FLT1: variants seen among roughly 807,000 people sequenced by gnomAD.
The protein encoded by FLT1 is vascular endothelial growth factor receptor 1.
In FLT1, 49 loss-of-function variants were observed where a neutral mutation model predicts 156.3. That is an observed-to-expected ratio of 0.31 (90% confidence interval 0.25 to 0.40). The LOEUF (loss-of-function observed/expected upper bound fraction) is 0.40. FLT1 is among the 10% of genes least tolerant of loss of function. The pLI is 1.00. For missense variants in FLT1, 1,322 were observed against 1,637.2 expected, an observed-to-expected ratio of 0.81 and a Z score of 3.32; for synonymous variants, 594 against 583.8, an observed-to-expected ratio of 1.02 and a Z score of -0.25.
At chr13:28,414,838 C>G (rs1340299197) in intron 10 of FLT1, among the ~76,000 whole-genome samples, 1 of 151,336 alleles carries the variant, frequency 6.6e-6, no homozygotes, top group Admixed American at 6.6e-5. Context: ...AGATGTCAAC[C>G]CTGCCATCTA....
At chr13:28,355,456 A>G (rs1872865354) in intron 15 of FLT1, among the ~76,000 whole-genome samples, 1 of 152,228 alleles carries the variant, frequency 6.6e-6, no homozygotes, top group South Asian at 2.1e-4. Context: ...AGGGAAGAGA[A>G]GCATATCAAC....
intron 3 of FLT1, among the ~76,000 whole-genome samples, chr13:28,451,039 C>A (rs534682054): frequency 1.3e-5 from 2 of 152,292 alleles, no homozygotes; most frequent in East Asian, 3.9e-4. Context: ...AGACTCACCG[C>A]GGAAACCAAG....
chr13:28,345,716 C>A, intron 15 of FLT1, 165 bp from the exon 16 acceptor site: 1 of 652,418 alleles, frequency 1.5e-6, no homozygotes, highest in Admixed American at 2.2e-5. Flanking sequence ...ACCTTCTAAG[C>A]CAGGCAGTAT....
At chr13:28,492,583 C>T (rs892915427) in intron 1 of FLT1, among the ~76,000 whole-genome samples, 1 of 152,194 alleles carries the variant, frequency 6.6e-6, no homozygotes, top group African/African-American at 2.4e-5. Context: ...CATGCACACA[C>T]ACAGAATATT....
chr13:28,307,641 T>TG (rs1302826699), intron 28 of FLT1, among the ~76,000 whole-genome samples: 3 of 124,652 alleles, frequency 2.4e-5, no homozygotes, highest in African/African-American at 9.1e-5. Flanking sequence ...GACAAGGTTG[T>TG]GGTTTTTCGT....
At chr13:28,474,467 C>T (rs575295212) in intron 1 of FLT1, among the ~76,000 whole-genome samples, 2 of 149,420 alleles carry the variant, frequency 1.3e-5, no homozygotes, top group Non-Finnish European at 3.0e-5. Context: ...CAAAACAAAA[C>T]AAAACAAAAC....
intron 15 of FLT1, among the ~76,000 whole-genome samples, chr13:28,352,845 G>A (rs905590243): frequency 2.6e-5 from 4 of 152,210 alleles, no homozygotes; most frequent in Non-Finnish European, 5.9e-5. Flanking sequence ...GCAGGATTCA[G>A]GAAGAGAGGA....
intron 13 of FLT1, chr13:28,387,956 A>AG (rs1491352539): frequency 7.5e-6 from 8 of 1,061,446 alleles, no homozygotes; most frequent in Non-Finnish European, 9.1e-6. Flanking sequence ...AATTGCAAAC[A>AG]GGGGAAGGAA....
chr13:28,324,727 G>C (rs1340252073), intron 20 of FLT1, among the ~76,000 whole-genome samples: 1 of 152,178 alleles, frequency 6.6e-6, no homozygotes. Context: ...GGAGAAAAAT[G>C]CTCCACAGGC....
chr13:28,468,954 C>T (rs1201389701), intron 1 of FLT1, among the ~76,000 whole-genome samples: 2 of 152,296 alleles, frequency 1.3e-5, no homozygotes, highest in East Asian at 3.9e-4. Flanking sequence ...GCTGAGCCTC[C>T]CTTGAAGCTA....
At chr13:28,312,222 C>T in intron 25 of FLT1, 124 bp from the exon 26 acceptor site, 1 of 722,104 alleles carries the variant, frequency 1.4e-6, no homozygotes, top group South Asian at 1.5e-5. Flanking sequence ...TACTATGTGA[C>T]CCTGCTTCAT....
At chr13:28,382,789 T>A (rs1319991553) in intron 14 of FLT1, among the ~76,000 whole-genome samples, 1 of 152,150 alleles carries the variant, frequency 6.6e-6, no homozygotes, top group Non-Finnish European at 1.5e-5. Context: ...GATTAAATAT[T>A]TGATGTCAGT....
At chr13:28,353,244 T>A (rs1338844695) in intron 15 of FLT1, among the ~76,000 whole-genome samples, 1 of 152,150 alleles carries the variant, frequency 6.6e-6, no homozygotes, top group East Asian at 1.9e-4. Context: ...TTATAAATAA[T>A]ACTGAAATAT....
At position 28,387,404 on chromosome 13, in the gene FLT1, C is replaced by T. The variant is rs1464687882; in HGVS notation, c.1970-2373G>A. The T allele has an allele frequency of 4.7e-6, 5 of 1,054,592 alleles. No individual in the cohort carries two copies. The South Asian group carries it at 1.8e-4, about 39-fold the overall frequency. 65.3% of individuals were successfully genotyped at this position (1,054,592 alleles called of 1,614,324 possible). On this transcript the variant is annotated intron_variant, in intron 13 of 29. Coordinates refer to ENST00000282397, the MANE Select transcript of FLT1 (RefSeq NM_002019.4). ...TTTTGAATAAGGGAGGTGCGTTGAACCCATATTTCGAAACCTAAGTTACTT... is the reference window on the plus strand; with the variant it reads ...TTTTGAATAAGGGAGGTGCGTTGAATCCATATTTCGAAACCTAAGTTACTT...
At chr13:28,326,423 T>C (rs753375317) in intron 20 of FLT1, among the ~76,000 whole-genome samples, 1 of 152,174 alleles carries the variant, frequency 6.6e-6, no homozygotes, top group Non-Finnish European at 1.5e-5. Context: ...TCCCCTGGAC[T>C]TCTTCAGCTC....
At chr13:28,343,646 T>G (rs560535981) in intron 16 of FLT1, among the ~76,000 whole-genome samples, 8 of 138,342 alleles carry the variant, frequency 5.8e-5, no homozygotes. Context: ...TTTTTCTTTC[T>G]TTTTTTTTTT....
chr13:28,352,401 C>G (rs1393795527), intron 15 of FLT1, among the ~76,000 whole-genome samples: 2 of 152,182 alleles, frequency 1.3e-5, no homozygotes, highest in African/African-American at 4.8e-5. Context: ...GAGCCCAGCA[C>G]CAAGTTCCCT....
rs1412483502 is a variant in FLT1 at position 28,364,787 on chromosome 13, CTTTA to C, written c.2117-7106_2117-7103del. On this transcript the variant is annotated intron_variant, in intron 14 of 29. Coordinates refer to ENST00000282397, the MANE Select transcript of FLT1 (RefSeq NM_002019.4). ...GTATTTGTGGTTCTGTTTCTAGGCT[CTTTA>C]TTTATTCACAGTGACCTATTTATCT... Among the ~76,000 whole-genome samples, 4 of 152,188 alleles carry C rather than the reference CTTTA, an allele frequency of 2.6e-5. No homozygotes were observed. In the South Asian group the frequency reaches 8.3e-4, roughly 32 times the overall value.
rs762113174 is a variant in FLT1 at position 28,438,225 on chromosome 13, T to A, written c.509A>T (p.Lys170Ile). Reference protein sequence around the residue: ...VTSPNITVTLKKFPLDTLIPD... With the variant: ...VTSPNITVTLIKFPLDTLIPD... ...AATAGCGGTGTTCAAATTTACCTTT[T>A]TTAAAGTAACAGTGATGTTAGGTGA... Residue 170 changes from lysine (K) to isoleucine (I), a missense_variant, in exon 4 of 30, where the codon AAA becomes ATA. This residue lies in a region of FLT1 where 991 missense variants were observed against 1,254.8 expected (regional missense o/e 0.79). Coordinates refer to ENST00000282397, the MANE Select transcript of FLT1 (RefSeq NM_002019.4). 1 of 1,614,000 alleles carries A rather than the reference T, an allele frequency of 6.2e-7. No individual in the cohort carries two copies. The highest frequency in any genetic ancestry group is 1.1e-5 in the South Asian group (1 of 91,074).
Sources: gnomAD v4.1 joint callset for allele counts (sites outside exome capture counted in the v4.1 genomes callset) on GRCh38, gnomAD v4.1.1 for gene constraint, gnomAD v4.1.1 regional missense constraint, MANE v1.5 for transcripts, NCBI Gene and HGNC (gene_info 2026-07-23, HGNC 2026-07-21) for gene names.